Variants in SHTN1 observed in about 807,000 individuals in gnomAD.
SHTN1 encodes shootin-1.
SHTN1 carries 42 observed loss-of-function variants against 83.1 expected under a neutral mutation model. The observed-to-expected ratio is 0.51, with a 90% CI of 0.39 to 0.65. The LOEUF (loss-of-function observed/expected upper bound fraction) is 0.65. SHTN1 is among the 30% of genes least tolerant of loss of function. The probability of loss-of-function intolerance (pLI) is 0.00; values close to 1 mark genes in which losing one functional copy is unlikely to be tolerated. For synonymous variants in SHTN1, 224 were observed against 247.7 expected (o/e 0.90, Z 0.90); for missense variants, 622 against 737.8 (o/e 0.84, Z 1.82).
chr10:117,031,013 T>C (rs1439891632), intron 2 of SHTN1, among the ~76,000 whole-genome samples: 3 of 151,986 alleles, frequency 2.0e-5, no homozygotes, highest in African/African-American at 4.8e-5. Context: ...AAGAAGGTTA[T>C]AGAACACCAA....
intron 14 of SHTN1, among the ~76,000 whole-genome samples, chr10:116,908,456 T>C (rs1354046378): frequency 2.0e-5 from 3 of 152,140 alleles, no homozygotes; most frequent in African/African-American, 7.2e-5. Context: ...AATAGAACCA[T>C]AGCCACTTTA....
chr10:117,076,159 C>A (rs11197885), intron 1 of SHTN1, among the ~76,000 whole-genome samples: 2 of 136,184 alleles, frequency 1.5e-5, no homozygotes, highest in African/African-American at 2.8e-5. Flanking sequence ...CTCCAGCCTG[C>A]GCGACAAAGC....
At position 117,105,485 on chromosome 10, in the gene SHTN1, A is replaced by T. The variant is rs1341366266; in HGVS notation, c.-189+20822T>A. ...AACTGAGGTCCAGAATGGTCAAATG[A>T]CTTACCCACAGTCACACAGCTGGCA... On this transcript the variant is annotated intron_variant, in intron 1 of 17. Coordinates refer to the SHTN1 transcript ENST00000392901. Among the ~76,000 whole-genome samples, 5 of 152,180 alleles carry T rather than the reference A, an allele frequency of 3.3e-5. No individual in the cohort carries two copies. The East Asian group carries it at 9.6e-4, about 29-fold the overall frequency.
At chr10:117,019,513 A>C (rs1852230263) in intron 2 of SHTN1, among the ~76,000 whole-genome samples, 1 of 152,196 alleles carries the variant, frequency 6.6e-6, no homozygotes. Flanking sequence ...AATAGCTTTA[A>C]CACAAAAATT....
At chr10:116,887,450 G>A (rs1847201368) in intron 16 of SHTN1, among the ~76,000 whole-genome samples, 1 of 152,094 alleles carries the variant, frequency 6.6e-6, no homozygotes, top group African/African-American at 2.4e-5. Flanking sequence ...GCTAGGATCA[G>A]GCCTTTTTGT....
intron 1 of SHTN1, among the ~76,000 whole-genome samples, chr10:117,119,413 TATACAAATGACA>T (rs2133645267): frequency 6.6e-6 from 1 of 152,266 alleles, no homozygotes; most frequent in African/African-American, 2.4e-5. Flanking sequence ...CAAAAGAAGA[TATACAAATGACA>T]AACAGGCATA....
At chr10:117,108,157 T>G (rs896442065) in intron 1 of SHTN1, among the ~76,000 whole-genome samples, 1 of 152,050 alleles carries the variant, frequency 6.6e-6, no homozygotes, top group Non-Finnish European at 1.5e-5. Context: ...AAGTGCCGAG[T>G]TGAAAAAGGA....
intron 2 of SHTN1, among the ~76,000 whole-genome samples, chr10:117,023,396 G>A (rs1359006891): frequency 1.3e-5 from 2 of 152,082 alleles, no homozygotes; most frequent in African/African-American, 2.4e-5. Flanking sequence ...AAATAAGATT[G>A]GAAGTTTAAG....
chr10:117,004,543 A>G (rs1196647451), intron 1 of SHTN1, among the ~76,000 whole-genome samples: 1 of 152,184 alleles, frequency 6.6e-6, no homozygotes, highest in East Asian at 1.9e-4. Context: ...GGGCAAGGAA[A>G]GAGGAACTAG....
intron 1 of SHTN1, among the ~76,000 whole-genome samples, chr10:117,120,079 A>G (rs1853901795): frequency 6.6e-6 from 1 of 151,840 alleles, no homozygotes; most frequent in Non-Finnish European, 1.5e-5. Flanking sequence ...TAATGGGTAC[A>G]AAAAAAATAG....
At chr10:116,938,684 C>T (rs748853227) in intron 9 of SHTN1, among the ~76,000 whole-genome samples, 5 of 152,232 alleles carry the variant, frequency 3.3e-5, no homozygotes, top group African/African-American at 1.2e-4. Context: ...CTTAGCAGAG[C>T]TCAAGCGCTG....
chr10:116,955,186 A>G (rs746104072), intron 4 of SHTN1, among the ~76,000 whole-genome samples: 2 of 151,482 alleles, frequency 1.3e-5, no homozygotes, highest in Non-Finnish European at 2.9e-5. Flanking sequence ...TTTTAACTTC[A>G]GTTATTCAAC....
At chr10:116,980,514 C>T (rs1003923489) in intron 1 of SHTN1, among the ~76,000 whole-genome samples, 3 of 146,020 alleles carry the variant, frequency 2.1e-5, no homozygotes, top group African/African-American at 7.7e-5. Flanking sequence ...AGCCTGGTCA[C>T]AATTTGAACT....
In SHTN1 at chr10:116,906,569, T is replaced by C. The variant is rs1847978963; in HGVS notation, c.1480+58A>G. The C allele has an allele frequency of 2.0e-6, 3 of 1,510,544 alleles. No individual in the cohort carries two copies. The Admixed American group carries it at 6.7e-5, about 34-fold the overall frequency. The allele number at this position is 1,510,544 out of a possible 1,614,324, so 93.6% of individuals were successfully genotyped here. ...AGATTGTTTCATGTAAAAAGAGACTTAGAAGAAGATGTTTCAGAGATGAAG... is the reference window on the plus strand; with the variant it reads ...AGATTGTTTCATGTAAAAAGAGACTCAGAAGAAGATGTTTCAGAGATGAAG... On this transcript the variant is annotated intron_variant, in intron 15 of 16. Transcript: ENST00000355371.
chr10:116,945,321 A>G (rs972096007), intron 7 of SHTN1, among the ~76,000 whole-genome samples: 1 of 152,252 alleles, frequency 6.6e-6, no homozygotes, highest in Non-Finnish European at 1.5e-5. Context: ...CATTGCTGAT[A>G]AAAGTGAAAT....
intron 8 of SHTN1, among the ~76,000 whole-genome samples, chr10:116,941,762 C>G (rs551104583): frequency 6.6e-6 from 1 of 152,162 alleles, no homozygotes; most frequent in Non-Finnish European, 1.5e-5. Context: ...ATGATTTATA[C>G]AATCCTTAAG....
chr10:116,903,477 A>C (rs1324478409), intron 15 of SHTN1, among the ~76,000 whole-genome samples: 1 of 151,898 alleles, frequency 6.6e-6, no homozygotes, highest in Non-Finnish European at 1.5e-5. Context: ...GTGAGCCGAG[A>C]TCACGCCACT....
rs374713015 is a variant in SHTN1 at position 117,109,553 on chromosome 10, C to CT, written c.-189+16753dup. ...TTTCCAAAGGCATTAACATATATTA[C>CT]TTTTTTTTTTTTTTTTTTTTTTTTT... On this transcript the variant is annotated intron_variant, in intron 1 of 17. Coordinates refer to the SHTN1 transcript ENST00000392901. Among the ~76,000 whole-genome samples, 11 of 42,954 alleles carry CT rather than the reference C, an allele frequency of 2.6e-4. 4 individuals are homozygous for CT. Among genetic ancestry groups the CT allele is most frequent in the African/African-American group, 4.4e-4 (4 of 9,072 alleles). 28.2% of individuals were successfully genotyped at this position (42,954 alleles called of 152,430 possible). A position where few individuals can be genotyped will look rare whatever the true frequency, so the allele number is the denominator to read the frequency against.
At chr10:116,995,019 T>C (rs886512212) in intron 1 of SHTN1, among the ~76,000 whole-genome samples, 15 of 152,116 alleles carry the variant, frequency 9.9e-5, no homozygotes, top group Non-Finnish European at 7.4e-5. Flanking sequence ...ATGCTACCTG[T>C]CATAATTCTG....
Sources: gnomAD v4.1 joint callset for allele counts (sites outside exome capture counted in the v4.1 genomes callset) on GRCh38, gnomAD v4.1.1 for gene constraint, MANE v1.5 for transcripts, NCBI Gene and HGNC (gene_info 2026-07-23, HGNC 2026-07-21) for gene names.